TLK1: variants seen among roughly 807,000 people sequenced by gnomAD.
The protein encoded by TLK1 is tousled like kinase 1, also known as serine/threonine-protein kinase tousled-like 1.
In TLK1, 24 loss-of-function variants were observed where a neutral mutation model predicts 105.3. The observed-to-expected ratio is 0.23, with a 90% CI of 0.17 to 0.32. The LOEUF (loss-of-function observed/expected upper bound fraction) is 0.32, where lower values mean the gene tolerates loss of function less well. Among genes scored for constraint, TLK1 ranks in the 10% least tolerant of loss-of-function variants. The pLI, the probability that TLK1 is intolerant of heterozygous loss-of-function variation, is 1.00. For missense variants in TLK1, 558 were observed against 910.5 expected, an observed-to-expected ratio of 0.61 and a Z score of 4.98; for synonymous variants, 321 against 310.4, an observed-to-expected ratio of 1.03 and a Z score of -0.36.
Position 170,993,860 on chromosome 2 carries a change from ATCT to A in TLK1, c.2218_2220del (p.Arg740del). Reference sequence around the variant, plus strand: ...ATGTGTAGGTTTCCTGAAGAATTTGATCTTCTCATGTGTGGGAGAAGGTATGGG... The same window carrying A: ...ATGTGTAGGTTTCCTGAAGAATTTGATCTCATGTGTGGGAGAAGGTATGGG... On this transcript the variant is annotated inframe_deletion, in exon 21 of 21. Transcript: ENST00000431350. 1 of 1,613,286 alleles carries A rather than the reference ATCT, an allele frequency of 6.2e-7. No individual in the cohort carries two copies. Among genetic ancestry groups the A allele is most frequent in the Non-Finnish European group, 8.5e-7 (1 of 1,179,646 alleles).
intron 1 of TLK1, among the ~76,000 whole-genome samples, chr2:171,179,426 A>G (rs565410292): frequency 2.0e-5 from 3 of 152,314 alleles, no homozygotes; most frequent in African/African-American, 7.2e-5. Context: ...TGGATTCCCC[A>G]ATGCCCCCTA....
rs868658438 is a variant in TLK1, at chr2:171,082,832, G to A, written c.279C>T (p.Ser93=). 6.2e-7 allele frequency: 1 copy of A among 1,609,178 alleles called. No individual in the cohort carries two copies. The highest frequency in any genetic ancestry group is 1.7e-4 in the Middle Eastern group (1 of 6,044). ...VGAKASTNNE[S]SNHSFGSLGS... is the part of the protein sequence containing the mutation. Reference sequence around the variant, plus strand: ...CCAAGCTTCCAAAACTGTGATTAGAGCTTTCGTTATTTGTTGAGGCCTGTT... The same window carrying A: ...CCAAGCTTCCAAAACTGTGATTAGAACTTTCGTTATTTGTTGAGGCCTGTT... Residue 93 remains serine (S), a synonymous_variant, in exon 3 of 21, where the codon AGC becomes AGT. Transcript: ENST00000431350.
chr2:171,130,225 A>C (rs1421600703), intron 1 of TLK1, among the ~76,000 whole-genome samples: 3 of 152,186 alleles, frequency 2.0e-5, no homozygotes, highest in African/African-American at 4.8e-5. Flanking sequence ...AACATGGTGA[A>C]ACCCCCTCTC....
intron 18 of TLK1, among the ~76,000 whole-genome samples, chr2:170,999,822 G>A (rs34017170): frequency 0.21 from 31,808 of 151,808 alleles, 3,909 homozygotes; most frequent in Non-Finnish European, 0.28. Context: ...GCAGTGGTGC[G>A]ATCACGGCTC....
At chr2:171,188,632 G>T (rs896490560) in intron 1 of TLK1, among the ~76,000 whole-genome samples, 14 of 151,670 alleles carry the variant, frequency 9.2e-5, no homozygotes, top group African/African-American at 3.4e-4. Context: ...CGTGAACCTG[G>T]GGAGGCAGAG....
At chr2:171,022,086 AACACACACACACACACAC>A (rs557803785) in intron 12 of TLK1, among the ~76,000 whole-genome samples, 1 of 103,010 alleles carries the variant, frequency 9.7e-6, no homozygotes, top group African/African-American at 3.0e-5. Flanking sequence ...CTGGGCGAAA[AACACACACACACACACAC>A]ACACACACAC....
intron 1 of TLK1, among the ~76,000 whole-genome samples, chr2:171,172,157 T>G (rs980758189): frequency 5.9e-5 from 9 of 152,184 alleles, no homozygotes; most frequent in African/African-American, 1.7e-4. Flanking sequence ...CAAAGGAAGA[T>G]AGACATGAAA....
chr2:171,043,897 A>T (rs1686813026), intron 11 of TLK1, among the ~76,000 whole-genome samples: 1 of 152,154 alleles, frequency 6.6e-6, no homozygotes, highest in South Asian at 2.1e-4. Flanking sequence ...CTTTTAATAC[A>T]ATCACCCACC....
intron 1 of TLK1, among the ~76,000 whole-genome samples, chr2:171,185,005 A>AT (rs1299993016): frequency 6.6e-5 from 10 of 151,952 alleles, no homozygotes; most frequent in Non-Finnish European, 1.3e-4. Context: ...TGCCCAGCTA[A>AT]TTTTTTGCAT....
At chr2:171,184,163 A>C (rs1244404531) in intron 1 of TLK1, among the ~76,000 whole-genome samples, 3 of 152,320 alleles carry the variant, frequency 2.0e-5, no homozygotes, top group Admixed American at 6.5e-5. Flanking sequence ...CCAAGGAACG[A>C]GGGTGGCTTC....
intron 1 of TLK1, among the ~76,000 whole-genome samples, chr2:171,219,852 C>T (rs1250572244): frequency 2.0e-5 from 3 of 152,156 alleles, no homozygotes; most frequent in Admixed American, 6.5e-5. Context: ...CTGCCCACCT[C>T]GGCTTCCCAA....
chr2:171,208,999 G>C (rs1168454698), intron 1 of TLK1, among the ~76,000 whole-genome samples: 1 of 152,150 alleles, frequency 6.6e-6, no homozygotes, highest in Admixed American at 6.6e-5. Context: ...GAAGACACTG[G>C]TTAAGTAAAC....
chr2:171,130,464 C>T (rs368542311), intron 1 of TLK1, among the ~76,000 whole-genome samples: 6 of 152,056 alleles, frequency 3.9e-5, no homozygotes, highest in Non-Finnish European at 8.8e-5. Context: ...CAGGACACAG[C>T]GTTAATTCAT....
chr2:171,177,782 C>T (rs1989613), intron 1 of TLK1, among the ~76,000 whole-genome samples: 29,154 of 152,034 alleles, frequency 0.19, 4,818 homozygotes, highest in African/African-American at 0.44. Context: ...AGCATCCATA[C>T]TTTACTAACT....
chr2:171,182,935 A>AAAAAGAAAGAAAGAAAGAAAGAAAG (rs1553487148), intron 1 of TLK1, among the ~76,000 whole-genome samples: 65 of 128,826 alleles, frequency 5.0e-4, no homozygotes, highest in African/African-American at 2.3e-3. Flanking sequence ...AAAAAAAAAA[A>AAAAAGAAAGAAAGAAAGAAAGAAAG]AAAGAAAGAA....
intron 1 of TLK1, among the ~76,000 whole-genome samples, chr2:171,200,290 C>T (rs1156569461): frequency 1.3e-5 from 2 of 152,028 alleles, no homozygotes; most frequent in East Asian, 3.9e-4. Flanking sequence ...TTTTTTCTAC[C>T]CCCCCATCCT....
chr2:171,099,356 A>G (rs1456458465), intron 2 of TLK1, among the ~76,000 whole-genome samples: 3 of 152,208 alleles, frequency 2.0e-5, no homozygotes, highest in Non-Finnish European at 4.4e-5. Flanking sequence ...AAAGAAAATA[A>G]AGAAGATCTA....
chr2:171,025,811 T>C (rs1685745229), intron 12 of TLK1, among the ~76,000 whole-genome samples: 1 of 152,216 alleles, frequency 6.6e-6, no homozygotes, highest in African/African-American at 2.4e-5. Context: ...CTTATTATTT[T>C]TTAACTGTAT....
chr2:171,061,238 A>G, intron 3 of TLK1, 82 bp from the exon 4 acceptor site: 7 of 1,382,260 alleles, frequency 5.1e-6, no homozygotes, highest in Non-Finnish European at 1.0e-6. Flanking sequence ...CCATGTTTCG[A>G]GACCAAAAAA....
Sources: gnomAD v4.1 joint callset for allele counts (sites outside exome capture counted in the v4.1 genomes callset) on GRCh38, gnomAD v4.1.1 for gene constraint, MANE v1.5 for transcripts, NCBI Gene and HGNC (gene_info 2026-07-23, HGNC 2026-07-21) for gene names.